GPC3: variants seen among roughly 807,000 people sequenced by gnomAD.
GPC3 encodes glypican 3, also known as glypican-3.
GPC3 carries 3 observed loss-of-function variants against 34.4 expected under a neutral mutation model. That is an observed-to-expected ratio of 0.09 (90% confidence interval 0.04 to 0.23). The LOEUF (loss-of-function observed/expected upper bound fraction) is 0.23, where lower values mean the gene tolerates loss of function less well. GPC3 is among the 10% of genes least tolerant of loss of function. GPC3 has a pLI of 1.00. For missense variants in GPC3, 351 were observed against 445.6 expected, an observed-to-expected ratio of 0.79 and a Z score of 1.91; for synonymous variants, 177 against 174.0, an observed-to-expected ratio of 1.02 and a Z score of -0.13.
At chrX:133,788,106 A>G (rs1234020226) in intron 2 of GPC3, among the ~76,000 whole-genome samples, 5 of 89,106 alleles carry the variant, frequency 5.6e-5, no homozygotes, top group Non-Finnish European at 8.3e-5. Context: ...ATATATATAT[A>G]TATATATATA....
chrX:133,618,835 A>G (rs1180481185), intron 6 of GPC3, among the ~76,000 whole-genome samples: 1 of 111,825 alleles, frequency 8.9e-6, no homozygotes, highest in Non-Finnish European at 1.9e-5. Context: ...AAAAATAGAT[A>G]AATTGGATTT....
chrX:133,707,232 G>A (rs1424260600), intron 3 of GPC3, among the ~76,000 whole-genome samples: 2 of 110,933 alleles, frequency 1.8e-5, no homozygotes, highest in Non-Finnish European at 3.8e-5. Flanking sequence ...AAGGGGCATG[G>A]GCTAAAAAAC....
intron 5 of GPC3, 26 bp from the exon 6 acceptor site, chrX:133,661,876 G>A: frequency 8.3e-7 from 1 of 1,197,786 alleles, no homozygotes; most frequent in Non-Finnish European, 1.1e-6. Flanking sequence ...TAAAGAAAAG[G>A]TTTGTCAAAG....
chrX:133,948,605 C>G (rs2076379622), intron 2 of GPC3, among the ~76,000 whole-genome samples: 1 of 111,279 alleles, frequency 9.0e-6, no homozygotes, highest in African/African-American at 3.3e-5. Context: ...ATGGCCTGAA[C>G]CGACAAACCT....
chrX:133,913,907 C>G (rs1191215383), intron 2 of GPC3, among the ~76,000 whole-genome samples: 1 of 109,173 alleles, frequency 9.2e-6, no homozygotes, highest in Non-Finnish European at 1.9e-5. Context: ...CCCAATCAAG[C>G]CTCCTCAAGT....
At position 133,758,731 on chromosome X, in the gene GPC3, GA is replaced by G. The variant is rs1003547088; in HGVS notation, c.338-4556del. Among the ~76,000 whole-genome samples, 4 of 110,681 alleles carry G rather than the reference GA, an allele frequency of 3.6e-5. No individual in the cohort carries two copies. In the East Asian group the frequency reaches 8.5e-4, roughly 23 times the overall value. Reference sequence around the variant, plus strand: ...AAATTAAAAAATAAAGAAAACTAGGGAAAAAATCAGTTAATGTAATCCATCA... The same window carrying G: ...AAATTAAAAAATAAAGAAAACTAGGGAAAAATCAGTTAATGTAATCCATCA... On this transcript the variant is annotated intron_variant, in intron 2 of 7. Transcript: ENST00000370818.
intron 2 of GPC3, among the ~76,000 whole-genome samples, chrX:133,852,138 AT>A (rs35261946): frequency 0.1 from 11,533 of 111,920 alleles, 612 homozygotes; most frequent in Non-Finnish European, 0.16. Flanking sequence ...AAAGCTTTAG[AT>A]TCTTGTAGAA....
chrX:133,765,827 G>A (rs1163844773), intron 2 of GPC3, among the ~76,000 whole-genome samples: 1 of 111,770 alleles, frequency 8.9e-6, no homozygotes, highest in African/African-American at 3.3e-5. Flanking sequence ...CGTTGTTATT[G>A]GAAGGTGCAT....
At chrX:133,835,791 G>A (rs745592099) in intron 2 of GPC3, among the ~76,000 whole-genome samples, 2 of 112,388 alleles carry the variant, frequency 1.8e-5, no homozygotes, top group African/African-American at 6.5e-5. Context: ...TAAAATAAAC[G>A]TGTTACTTCT....
At chrX:133,573,002 T>G (rs2069646604) in intron 7 of GPC3, among the ~76,000 whole-genome samples, 1 of 111,575 alleles carries the variant, frequency 9.0e-6, no homozygotes, top group African/African-American at 3.2e-5. Flanking sequence ...ACACAAACGT[T>G]CTCAACAAAA....
At chrX:133,538,299 C>T (rs1258556775) in intron 7 of GPC3, among the ~76,000 whole-genome samples, 2 of 112,245 alleles carry the variant, frequency 1.8e-5, no homozygotes, top group Non-Finnish European at 3.8e-5. Context: ...AGGTCATGAT[C>T]GGGTTTCACC....
chrX:133,890,497 C>T (rs1249471241), intron 2 of GPC3, among the ~76,000 whole-genome samples: 2 of 110,455 alleles, frequency 1.8e-5, no homozygotes, highest in East Asian at 5.7e-4. Flanking sequence ...GCAGGAGGAT[C>T]CCTTGAGCCT....
intron 2 of GPC3, among the ~76,000 whole-genome samples, chrX:133,838,516 C>A (rs2075809398): frequency 8.9e-6 from 1 of 112,359 alleles, no homozygotes; most frequent in African/African-American, 3.2e-5. Flanking sequence ...ATGTAAATTT[C>A]TTAAATATTT....
chrX:133,639,953 G>C (rs1188264147), intron 6 of GPC3, among the ~76,000 whole-genome samples: 1 of 110,854 alleles, frequency 9.0e-6, no homozygotes, highest in Non-Finnish European at 1.9e-5. Flanking sequence ...TCTGACACCG[G>C]CCCCCAACTC....
chrX:133,651,463 A>AT (rs762445606), intron 6 of GPC3, among the ~76,000 whole-genome samples: 1 of 111,369 alleles, frequency 9.0e-6, no homozygotes, highest in Non-Finnish European at 1.9e-5. Context: ...AAAAACTAAC[A>AT]TGTGTGCTAA....
intron 3 of GPC3, among the ~76,000 whole-genome samples, chrX:133,722,584 C>T (rs924706288): frequency 2.7e-5 from 3 of 111,848 alleles, no homozygotes; most frequent in East Asian, 2.8e-4. Flanking sequence ...TATATTTAAC[C>T]GGGCATCATT....
At chrX:133,920,673 T>C (rs1312868698) in intron 2 of GPC3, among the ~76,000 whole-genome samples, 2 of 112,073 alleles carry the variant, frequency 1.8e-5, no homozygotes, top group Non-Finnish European at 3.8e-5. Context: ...ATCCCAATCC[T>C]ATGTATTTTC....
chrX:133,857,370 T>G (rs1026669740), intron 2 of GPC3, among the ~76,000 whole-genome samples: 4 of 112,497 alleles, frequency 3.6e-5, no homozygotes, highest in African/African-American at 1.3e-4. Context: ...TATTTTAAAA[T>G]TATTGTTCTT....
At chrX:133,671,731 G>A (rs1282687856) in intron 5 of GPC3, among the ~76,000 whole-genome samples, 1 of 110,647 alleles carries the variant, frequency 9.0e-6, no homozygotes, top group African/African-American at 3.3e-5. Flanking sequence ...ATGTATACAT[G>A]TGCCATATTG....
Sources: allele counts gnomAD v4.1 joint callset (sites outside exome capture counted in the v4.1 genomes callset), GRCh38; gene constraint gnomAD v4.1.1; transcripts MANE v1.5; gene names NCBI Gene and HGNC (gene_info 2026-07-23, HGNC 2026-07-21).